SP1: variants seen among roughly 807,000 people sequenced by gnomAD.
The protein encoded by SP1 is transcription factor Sp1.
In SP1, 6 loss-of-function variants were observed where a neutral mutation model predicts 66.3. The observed-to-expected ratio is 0.09, with a 90% confidence interval of 0.05 to 0.18. The LOEUF is 0.18. SP1 is among the 10% of genes least tolerant of loss of function. The pLI, the probability that SP1 is intolerant of heterozygous loss-of-function variation, is 1.00. For missense variants in SP1, 848 were observed against 964.5 expected (o/e 0.88, Z 1.60); for synonymous variants, 417 against 360.8 (o/e 1.16, Z -1.77).
At chr12:53,397,982 A>G (rs777627628) in intron 3 of SP1, among the ~76,000 whole-genome samples, 2 of 152,184 alleles carry the variant, frequency 1.3e-5, no homozygotes, top group Non-Finnish European at 2.9e-5. Context: ...TTATCAGACA[A>G]TGATATGGTT....
At chr12:53,407,864 C>A (rs1292256789) in intron 4 of SP1, among the ~76,000 whole-genome samples, 1 of 150,184 alleles carries the variant, frequency 6.7e-6, no homozygotes, top group Non-Finnish European at 1.5e-5. Context: ...TCTCGATCTC[C>A]TGACCTTGTG....
intron 3 of SP1, among the ~76,000 whole-genome samples, chr12:53,404,664 G>A (rs1282333367): frequency 2.6e-5 from 4 of 152,036 alleles, no homozygotes; most frequent in Non-Finnish European, 5.9e-5. Flanking sequence ...AGCATACACT[G>A]TTTATTTATA....
rs940983161 is a variant in SP1 at position 53,409,280 on chromosome 12, G to T, written c.1845-82G>T. 1.1e-5 allele frequency: 13 copies of T among 1,163,064 alleles called. No homozygotes were observed. The Admixed American group carries it at 2.3e-4, about 21-fold the overall frequency. The allele number at this position is 1,163,064 out of a possible 1,614,324, so 72.0% of individuals were successfully genotyped here. On this transcript the variant is annotated intron_variant, in intron 4 of 5. Transcript: ENST00000327443. The stretch of plus-strand genomic sequence containing the variant: ...TAAAAGTTTGGGTTAGTTTGGTGTC[G>T]ATTGGGTGATTGCTGTTGATACTTT...
chr12:53,390,169 A>G (rs1938316563), intron 3 of SP1, among the ~76,000 whole-genome samples: 1 of 152,234 alleles, frequency 6.6e-6, no homozygotes, highest in African/African-American at 2.4e-5. Flanking sequence ...AGGTCATATG[A>G]AAGAATTTTC....
In SP1 at chr12:53,383,155, C is replaced by G. The variant is rs773288541; in HGVS notation, c.1208C>G (p.Pro403Arg). The change falls in exon 3 of 6, where the codon CCT becomes CGT. Residue 403 changes from proline to arginine, a missense_variant. Physicochemically the swap from Pro to Arg is moderately radical, Grantham distance 103 (BLOSUM62 -2). Transcript: ENST00000327443. ...CAGCAGCAACAAATTCTTATCCAGC[C>G]TCAGCTAGTTCAAGGGGGACAGGCC... ...QTQQQQILIQ[P>R]QLVQGGQALQ... 1 of 1,614,220 alleles carries G rather than the reference C, an allele frequency of 6.2e-7. No homozygotes were observed. Among genetic ancestry groups the G allele is most frequent in the East Asian group, 2.2e-5 (1 of 44,892 alleles).
chr12:53,396,997 A>G (rs1431232965), intron 3 of SP1, among the ~76,000 whole-genome samples: 2 of 150,898 alleles, frequency 1.3e-5, no homozygotes, highest in African/African-American at 2.4e-5. Context: ...TTCCTTTTTC[A>G]TTTACCTTTC....
chr12:53,402,541 G>A (rs1213267475), intron 3 of SP1, among the ~76,000 whole-genome samples: 1 of 151,630 alleles, frequency 6.6e-6, no homozygotes, highest in Non-Finnish European at 1.5e-5. Context: ...CCGTAAAAGT[G>A]ACTGAATGAG....
intron 4 of SP1, 75 bp downstream of exon 4, chr12:53,406,828 AT>A (rs35249224): frequency 0.26 from 273,115 of 1,036,382 alleles, 13,233 homozygotes; most frequent in African/African-American, 0.59. Flanking sequence ...AAGAAGATTA[AT>A]TTTTTTTTTT....
chr12:53,404,904 CG>C (rs1404465748), intron 3 of SP1, among the ~76,000 whole-genome samples: 2 of 152,072 alleles, frequency 1.3e-5, no homozygotes, highest in Non-Finnish European at 2.9e-5. Context: ...GGCACAGTCT[CG>C]GCTCACTGCA....
At chr12:53,395,713 A>T (rs925884199) in intron 3 of SP1, among the ~76,000 whole-genome samples, 2 of 152,056 alleles carry the variant, frequency 1.3e-5, no homozygotes, top group Non-Finnish European at 2.9e-5. Context: ...CATGCCTGTA[A>T]TCCCAGCACT....
intron 4 of SP1, 83 bp from the exon 5 acceptor site, chr12:53,409,279 C>T (rs908139339): frequency 6.9e-6 from 8 of 1,155,118 alleles, no homozygotes; most frequent in East Asian, 5.0e-5. Flanking sequence ...AGTTTGGTGT[C>T]GATTGGGTGA....
chr12:53,393,447 C>T (rs1232619465), intron 3 of SP1, among the ~76,000 whole-genome samples: 1 of 151,704 alleles, frequency 6.6e-6, no homozygotes, highest in Non-Finnish European at 1.5e-5. Flanking sequence ...ACCATGCCAG[C>T]TAATTTTGTA....
intron 3 of SP1, among the ~76,000 whole-genome samples, chr12:53,399,535 G>A (rs1284628501): frequency 6.6e-6 from 1 of 152,144 alleles, no homozygotes; most frequent in Non-Finnish European, 1.5e-5. Flanking sequence ...GTTTCCCCAT[G>A]TTAGCCAGAA....
chr12:53,380,724 G>T, intron 1 of SP1: 1 of 873,814 alleles, frequency 1.1e-6, no homozygotes, highest in Non-Finnish European at 1.3e-6. Flanking sequence ...CCCACTTTCC[G>T]TAGATTTCCC....
In SP1 at chr12:53,382,760, C is replaced by T. The variant is rs150650952; in HGVS notation, c.813C>T (p.Ser271=). Residue 271 remains serine (S), a synonymous_variant, in exon 3 of 6, where the codon AGC becomes AGT. Coordinates refer to ENST00000327443, the MANE Select transcript of SP1 (RefSeq NM_138473.3). ...ACATCACCTTGCTACCTGTCAACAG[C>T]GTTTCTGCAGCTACCTTGACTCCCA... ...NGNITLLPVN[S]VSAATLTPSS... is the part of the protein sequence containing the mutation. The T allele has an allele frequency of 2.1e-4, 345 of 1,614,068 alleles. 1 individual carries two copies. The highest frequency in any genetic ancestry group is 2.8e-4 in the Non-Finnish European group (327 of 1,180,038).
intron 4 of SP1, among the ~76,000 whole-genome samples, 184 bp downstream of exon 4, chr12:53,406,937 G>A (rs1175211313): frequency 6.6e-6 from 1 of 151,048 alleles, no homozygotes; most frequent in Non-Finnish European, 1.5e-5. Flanking sequence ...CCATTCTCCT[G>A]CCTCAGCCTC....
intron 3 of SP1, among the ~76,000 whole-genome samples, chr12:53,390,042 C>T (rs1592559829): frequency 6.6e-6 from 1 of 152,134 alleles, no homozygotes; most frequent in Admixed American, 6.6e-5. Flanking sequence ...AACTTGGAGT[C>T]AGATTGCTGA....
Position 53,382,867 on chromosome 12 carries a change from C to T in SP1, c.920C>T (p.Ser307Phe). Residue 307 changes from serine (S) to phenylalanine (F), a missense_variant, in exon 3 of 6, where the codon TCT becomes TTT. Ser to Phe is a radical substitution (Grantham distance 155). Coordinates refer to ENST00000327443, the MANE Select transcript of SP1 (RefSeq NM_138473.3). Reference protein sequence around the residue: ...QPVTSGTTISSASLVSSQASS... With the variant: ...QPVTSGTTISFASLVSSQASS... The stretch of plus-strand genomic sequence containing the variant: ...GTCACCTCAGGGACTACCATCAGTT[C>T]TGCCAGCTTGGTATCATCACAAGCC... 6.2e-7 allele frequency: 1 copy of T among 1,614,202 alleles called. No homozygotes were observed. Among genetic ancestry groups the T allele is most frequent in the Non-Finnish European group, 8.5e-7 (1 of 1,180,030 alleles).
intron 3 of SP1, among the ~76,000 whole-genome samples, chr12:53,398,497 T>C (rs370746023): frequency 6.6e-6 from 1 of 152,148 alleles, no homozygotes; most frequent in African/African-American, 2.4e-5. Context: ...TGGCCAGGCT[T>C]GTCTCAAACT....
Sources: allele counts gnomAD v4.1 joint callset (sites outside exome capture counted in the v4.1 genomes callset), GRCh38; gene constraint gnomAD v4.1.1; transcripts MANE v1.5; gene names NCBI Gene and HGNC (gene_info 2026-07-23, HGNC 2026-07-21).